Variants in DOK6 observed in about 807,000 individuals in gnomAD.
DOK6 encodes downstream of tyrosine kinase 6.
A neutral mutation model predicts 44.0 loss-of-function variants in DOK6; 22 were observed. The observed-to-expected ratio is 0.50, with a 90% CI of 0.36 to 0.71. DOK6 has a LOEUF of 0.71. DOK6 is among the 30% of genes least tolerant of loss of function. The probability of loss-of-function intolerance (pLI) is 0.00; values close to 1 mark genes in which losing one functional copy is unlikely to be tolerated. For missense variants in DOK6, 340 were observed against 416.4 expected (o/e 0.82, Z 1.60); for synonymous variants, 166 against 145.5 (o/e 1.14, Z -1.01).
At chr18:69,414,696 G>C (rs1244393888) in intron 1 of DOK6, among the ~76,000 whole-genome samples, 12 of 151,990 alleles carry the variant, frequency 7.9e-5, no homozygotes, top group Admixed American at 7.9e-4. Flanking sequence ...GTTATGAAAT[G>C]AGATGGTAAT....
chr18:69,423,203 G>T (rs1339344406), intron 1 of DOK6, among the ~76,000 whole-genome samples: 5 of 152,172 alleles, frequency 3.3e-5, no homozygotes, highest in Non-Finnish European at 7.3e-5. Flanking sequence ...GCGGGAGGCT[G>T]GGGTGCCAGG....
intron 5 of DOK6, among the ~76,000 whole-genome samples, chr18:69,723,679 T>C (rs1203433614): frequency 1.3e-5 from 2 of 152,214 alleles, no homozygotes; most frequent in Non-Finnish European, 2.9e-5. Context: ...TGTGAAACCA[T>C]TGCTCATAAT....
chr18:69,656,925 T>C (rs940904246), intron 3 of DOK6, among the ~76,000 whole-genome samples: 1 of 152,076 alleles, frequency 6.6e-6, no homozygotes, highest in Non-Finnish European at 1.5e-5. Flanking sequence ...AGTCCAAGAA[T>C]CCACTCTAAC....
chr18:69,700,216 CATATATAT>C (rs61078235), intron 5 of DOK6, among the ~76,000 whole-genome samples: 1 of 124,762 alleles, frequency 8.0e-6, no homozygotes, highest in Non-Finnish European at 1.7e-5. Context: ...CATATATATA[CATATATAT>C]ATATATATAT....
At chr18:69,819,482 T>G (rs1981504099) in intron 7 of DOK6, among the ~76,000 whole-genome samples, 1 of 152,146 alleles carries the variant, frequency 6.6e-6, no homozygotes, top group Non-Finnish European at 1.5e-5. Flanking sequence ...TCCCAGAAAT[T>G]TAATAGGATT....
intron 7 of DOK6, among the ~76,000 whole-genome samples, chr18:69,758,878 C>T (rs993722064): frequency 6.8e-6 from 1 of 147,104 alleles, no homozygotes; most frequent in African/African-American, 2.5e-5. Flanking sequence ...GAAATATTTC[C>T]GTTGCAAGCA....
At chr18:69,602,556 TA>T (rs1249457397) in intron 3 of DOK6, among the ~76,000 whole-genome samples, 2 of 152,192 alleles carry the variant, frequency 1.3e-5, no homozygotes, top group Non-Finnish European at 2.9e-5. Flanking sequence ...AAGGAAAACT[TA>T]ATAAAATGTG....
chr18:69,670,573 G>C (rs972183613), intron 3 of DOK6, among the ~76,000 whole-genome samples: 2 of 145,466 alleles, frequency 1.4e-5, no homozygotes, highest in African/African-American at 5.0e-5. Flanking sequence ...ACAGTGGCAT[G>C]ATCTTGGCTC....
intron 7 of DOK6, among the ~76,000 whole-genome samples, chr18:69,821,797 T>TC (rs1981580586): frequency 7.6e-6 from 1 of 132,318 alleles, no homozygotes; most frequent in African/African-American, 2.9e-5. Flanking sequence ...TGTTTTTTTT[T>TC]TTAAAAAAAA....
intron 3 of DOK6, among the ~76,000 whole-genome samples, chr18:69,645,167 C>T (rs1020356748): frequency 7.9e-5 from 12 of 152,216 alleles, no homozygotes; most frequent in Admixed American, 2.6e-4. Context: ...TGCCATTTAT[C>T]ACGTGTGTGG....
rs1304345055 is a variant in DOK6, at chr18:69,545,531, A to G, written c.67-18956A>G. On this transcript the variant is annotated intron_variant, in intron 1 of 7. Transcript: ENST00000382713. ...AGTGAAATACCAAAAAAAAAAAAAAAAAGAAAAGAAAAAACACTTGACCTC... is the reference window on the plus strand; with the variant it reads ...AGTGAAATACCAAAAAAAAAAAAAAGAAGAAAAGAAAAAACACTTGACCTC... Among the ~76,000 whole-genome samples the G allele has an allele frequency of 2.0e-5, 3 of 149,696 alleles. No homozygotes were observed. The East Asian group carries it at 5.8e-4, about 29-fold the overall frequency.
At chr18:69,684,944 A>G (rs1986119060) in intron 4 of DOK6, among the ~76,000 whole-genome samples, 1 of 152,170 alleles carries the variant, frequency 6.6e-6, no homozygotes, top group African/African-American at 2.4e-5. Flanking sequence ...AAGGAACTTT[A>G]TTGGCATACA....
At chr18:69,506,581 T>C (rs1474694699) in intron 1 of DOK6, among the ~76,000 whole-genome samples, 1 of 152,132 alleles carries the variant, frequency 6.6e-6, no homozygotes, top group Non-Finnish European at 1.5e-5. Flanking sequence ...TATCAGTGGG[T>C]CACTTCTTTT....
chr18:69,657,922 TTTG>T (rs937422570), intron 3 of DOK6, among the ~76,000 whole-genome samples: 6 of 151,906 alleles, frequency 3.9e-5, no homozygotes, highest in South Asian at 2.1e-4. Flanking sequence ...TGGGTGGGTT[TTTG>T]TTGTTGTTGC....
rs1315962723 is a variant in DOK6, at chr18:69,441,295, GTTGT to G, written c.66+39992_66+39995del. Among the ~76,000 whole-genome samples the G allele has an allele frequency of 8.5e-5, 13 of 152,132 alleles. No homozygotes were observed. The South Asian group carries it at 1.0e-3, about 12-fold the overall frequency. ...AGTACTTAATTTTTGAAATTCAATA[GTTGT>G]TTGTTTCTTTTCTGTCCATCTTTCT... is the stretch of plus-strand genomic sequence containing the variant. On this transcript the variant is annotated intron_variant, in intron 1 of 7. Coordinates refer to ENST00000382713, the MANE Select transcript of DOK6 (RefSeq NM_152721.6).
chr18:69,591,622 TAATAA>T (rs1296555017), intron 2 of DOK6, among the ~76,000 whole-genome samples: 2 of 152,096 alleles, frequency 1.3e-5, no homozygotes, highest in African/African-American at 2.4e-5. Context: ...AAAATATGTA[TAATAA>T]AATAATGTCA....
chr18:69,495,330 T>C (rs192506324), intron 1 of DOK6, among the ~76,000 whole-genome samples: 52 of 152,320 alleles, frequency 3.4e-4, no homozygotes, highest in African/African-American at 1.2e-3. Context: ...GTTACAGCTC[T>C]TTCAGCCCTG....
chr18:69,590,115 TCACAGTGAACAG>T (rs1983591168), intron 2 of DOK6, among the ~76,000 whole-genome samples: 1 of 152,152 alleles, frequency 6.6e-6, no homozygotes, highest in Non-Finnish European at 1.5e-5. Context: ...CTAGTGGTCT[TCACAGTGAACAG>T]CACACTGTCA....
intron 7 of DOK6, among the ~76,000 whole-genome samples, chr18:69,758,426 A>G (rs769589933): frequency 7.2e-5 from 11 of 152,212 alleles, no homozygotes; most frequent in Non-Finnish European, 1.5e-4. Context: ...ATAAACGGTC[A>G]ATTAGCTAGC....
Sources: allele counts gnomAD v4.1 joint callset (sites outside exome capture counted in the v4.1 genomes callset), GRCh38; gene constraint gnomAD v4.1.1; transcripts MANE v1.5; gene names NCBI Gene and HGNC (gene_info 2026-07-23, HGNC 2026-07-21).